Variants in TAMM41 observed in about 807,000 individuals in gnomAD.
TAMM41 encodes the protein phosphatidate cytidylyltransferase, mitochondrial.
A neutral mutation model predicts 44.1 loss-of-function variants in TAMM41; 36 were observed. The ratio of observed to expected loss-of-function variants is 0.82; its 90% CI spans 0.63 to 1.08. The LOEUF is 1.08. Ranked by LOEUF, TAMM41 falls within the 50% of genes least tolerant of loss-of-function variation. TAMM41 has a pLI of 0.00. For missense variants in TAMM41, 417 were observed against 404.3 expected (o/e 1.03, Z -0.27); for synonymous variants, 164 against 153.1 (o/e 1.07, Z -0.53).
chr3:11,826,114 T>C (rs1227911863), intron 4 of TAMM41, among the ~76,000 whole-genome samples: 1 of 152,152 alleles, frequency 6.6e-6, no homozygotes, highest in Non-Finnish European at 1.5e-5. Flanking sequence ...TAAGTGTCCA[T>C]CAATCACTGG....
intron 7 of TAMM41, among the ~76,000 whole-genome samples, chr3:11,806,055 A>G (rs2077899808): frequency 6.6e-6 from 1 of 152,190 alleles, no homozygotes; most frequent in African/African-American, 2.4e-5. Context: ...CATGTAAGAC[A>G]TGATTTTGCT....
At chr3:11,771,140 T>C in the TAMM41 span, 1 of 152,456 alleles carries the variant, frequency 6.6e-6, no homozygotes, top group East Asian at 1.9e-4. Context: ...TTATGAATTA[T>C]CTGAGCAGAG....
chr3:11,845,785 T>C (rs547318326), intron 1 of TAMM41, among the ~76,000 whole-genome samples: 4 of 152,270 alleles, frequency 2.6e-5, no homozygotes. Flanking sequence ...ACCTGCACAC[T>C]GAATTCTGCA....
chr3:11,807,877 C>A lies in TAMM41; in HGVS notation c.893G>T (p.Arg298Ile), dbSNP rs1048921471. The change falls in exon 7 of 8, where the codon AGA becomes ATA. Residue 298 changes from arginine to isoleucine, a missense_variant. Transcript: ENST00000455809. Reference protein sequence around the residue: ...VVRLGLSAIVRPSSIRQSTKG... With the variant: ...VVRLGLSAIVIPSSIRQSTKG... ...CGTGCTCTGTCTTATACTAGACGGT[C>A]TCACGATTGCTGAAAGCCCTGCGAG... 1.3e-6 allele frequency: 2 copies of A among 1,528,240 alleles called. No homozygotes were observed. Among genetic ancestry groups the A allele is most frequent in the African/African-American group, 2.8e-5 (2 of 72,678 alleles). 94.7% of individuals were successfully genotyped at this position (1,528,240 alleles called of 1,614,324 possible).
chr3:11,727,578 C>T, the TAMM41 span, among the ~76,000 whole-genome samples: 1 of 152,298 alleles, frequency 6.6e-6, no homozygotes, highest in East Asian at 1.9e-4. Flanking sequence ...GATCCTCACA[C>T]CTCAGCCTCC....
chr3:11,791,071 G>A (rs1379811853), intron 7 of TAMM41, among the ~76,000 whole-genome samples: 1 of 152,202 alleles, frequency 6.6e-6, no homozygotes, highest in African/African-American at 2.4e-5. Context: ...TCTAGGAAGT[G>A]CTTCCCTGGA....
At chr3:11,829,564 A>T in intron 4 of TAMM41, 150 bp downstream of exon 4, 1 of 744,600 alleles carries the variant, frequency 1.3e-6, no homozygotes, top group Non-Finnish European at 2.1e-6. Context: ...TAGGGAGGCA[A>T]ATCACGAGGT....
At chr3:11,753,745 A>T in the TAMM41 span, among the ~76,000 whole-genome samples, 1 of 152,016 alleles carries the variant, frequency 6.6e-6, no homozygotes, top group Non-Finnish European at 1.5e-5. Context: ...TCAAAAAAAA[A>T]AATAAAATAA....
At chr3:11,823,701 C>T (rs138108978) in intron 4 of TAMM41, among the ~76,000 whole-genome samples, 16,846 of 145,404 alleles carry the variant, frequency 0.12, 2,095 homozygotes, top group East Asian at 0.48. Flanking sequence ...CACTCTGTCA[C>T]CCAGGCTAGA....
chr3:11,772,904 A>G, the TAMM41 span, among the ~76,000 whole-genome samples: 1 of 152,174 alleles, frequency 6.6e-6, no homozygotes, highest in Non-Finnish European at 1.5e-5. Context: ...CCGAGAGATT[A>G]AGTAACTTGC....
the TAMM41 span, among the ~76,000 whole-genome samples, chr3:11,736,373 T>A: frequency 6.6e-6 from 1 of 152,224 alleles, no homozygotes; most frequent in Non-Finnish European, 1.5e-5. Context: ...AGGATGGGAA[T>A]GTAACAGTGC....
the TAMM41 span, among the ~76,000 whole-genome samples, chr3:11,743,915 A>C: frequency 6.6e-6 from 1 of 152,132 alleles, no homozygotes; most frequent in Non-Finnish European, 1.5e-5. Flanking sequence ...CCCTCAGTAT[A>C]TGCTCAATCC....
chr3:11,799,594 C>T lies in TAMM41; in HGVS notation c.937+8239G>A, dbSNP rs76346313. ...TACATTCTGTCACTCTGGACTTCCA[C>T]AATGCAATGTGGCATCATTAGAAGT... is the stretch of plus-strand genomic sequence containing the variant. On this transcript the variant is annotated intron_variant, in intron 7 of 7. Transcript: ENST00000455809. Among the ~76,000 whole-genome samples, 401 of 152,260 alleles carry T rather than the reference C, an allele frequency of 2.6e-3. 6 individuals carry two copies. The East Asian group carries it at 0.049, about 18-fold the overall frequency.
At chr3:11,801,085 C>A in intron 7 of TAMM41, among the ~76,000 whole-genome samples, 1 of 132,126 alleles carries the variant, frequency 7.6e-6, no homozygotes. Context: ...GAGCAAGACC[C>A]TGTCTCAAGA....
chr3:11,796,964 G>C (rs567757307), intron 7 of TAMM41, among the ~76,000 whole-genome samples: 11 of 152,208 alleles, frequency 7.2e-5, no homozygotes, highest in African/African-American at 2.6e-4. Flanking sequence ...TCTACAAGGA[G>C]AACTACAAAA....
At chr3:11,747,491 G>A in the TAMM41 span, among the ~76,000 whole-genome samples, 1 of 152,078 alleles carries the variant, frequency 6.6e-6, no homozygotes, top group African/African-American at 2.4e-5. Context: ...TTCAAAGATG[G>A]GGCACGGTGA....
At position 11,829,801 on chromosome 3, in the gene TAMM41, TCTTCA is replaced by T; in HGVS notation, c.470_474del (p.Leu157GlnfsTer16). 6.2e-7 allele frequency: 1 copy of T among 1,614,178 alleles called. No homozygotes were observed. The highest frequency in any genetic ancestry group is 8.5e-7 in the Non-Finnish European group (1 of 1,180,002). Reference sequence around the variant, plus strand: ...ATGAGGAAAGCAGCGGTCACAGCACTCTTCAGATTTCTATCGAGGGCTGATCTAAG... The same window carrying T: ...ATGAGGAAAGCAGCGGTCACAGCACTGATTTCTATCGAGGGCTGATCTAAG... On this transcript the variant is annotated frameshift_variant, in exon 4 of 8. Coordinates refer to ENST00000455809, the MANE Select transcript of TAMM41 (RefSeq NM_001284401.2). LOFTEE classifies it high-confidence loss of function.
At chr3:11,745,166 A>G in the TAMM41 span, among the ~76,000 whole-genome samples, 2 of 152,084 alleles carry the variant, frequency 1.3e-5, no homozygotes, top group Admixed American at 6.6e-5. Context: ...CCCGGCCTAC[A>G]AATAATTTTT....
In TAMM41 at chr3:11,837,209, A is replaced by G. The variant is rs145124281; in HGVS notation, c.411+2013T>C. ...GAAATCTGTCATTTTTCCCATAGAT[A>G]GCTACAGAAGCAGCACATCACTGTT... On this transcript the variant is annotated intron_variant, in intron 3 of 7. Transcript: ENST00000455809. Among the ~76,000 whole-genome samples the G allele has an allele frequency of 2.6e-5, 4 of 152,340 alleles. No individual in the cohort carries two copies. The East Asian group carries it at 5.8e-4, about 22-fold the overall frequency.
Sources: gnomAD v4.1 joint callset for allele counts (sites outside exome capture counted in the v4.1 genomes callset) on GRCh38, gnomAD v4.1.1 for gene constraint, MANE v1.5 for transcripts, NCBI Gene and HGNC (gene_info 2026-07-23, HGNC 2026-07-21) for gene names.